Variants in C6 observed in about 807,000 individuals in gnomAD.
C6 encodes the protein complement C6.
C6 carries 101 observed loss-of-function variants against 112.9 expected under a neutral mutation model. The observed-to-expected ratio is 0.89, with a 90% CI of 0.76 to 1.06. The LOEUF (loss-of-function observed/expected upper bound fraction) is 1.06. Among genes scored for constraint, C6 ranks in the 50% least tolerant of loss-of-function variants. The pLI is 0.00. For synonymous variants in C6, 431 were observed against 384.1 expected (o/e 1.12, Z -1.43); for missense variants, 1,202 against 1,104.6 (o/e 1.09, Z -1.25).
At chr5:41,215,941 C>G (rs1426187186), upstream of C6, among the ~76,000 whole-genome samples, 1 of 152,052 alleles carries the variant, frequency 6.6e-6, no homozygotes, top group East Asian at 1.9e-4. Flanking sequence ...ACTATAATTT[C>G]TTATTAGAGC....
upstream of C6, among the ~76,000 whole-genome samples, chr5:41,215,466 G>A (rs1279666154): frequency 7.9e-5 from 12 of 152,136 alleles, no homozygotes; most frequent in African/African-American, 2.9e-4. Flanking sequence ...AAGAATATAG[G>A]TGTTCTCTAA....
At chr5:41,228,781 A>C (rs748865259) in intron 1 of C6, among the ~76,000 whole-genome samples, 1 of 152,148 alleles carries the variant, frequency 6.6e-6, no homozygotes, top group Non-Finnish European at 1.5e-5. Flanking sequence ...CATATGGTAA[A>C]TCATCCTTGC....
intron 1 of C6, among the ~76,000 whole-genome samples, chr5:41,205,204 C>G (rs988522779): frequency 6.6e-6 from 1 of 152,134 alleles, no homozygotes; most frequent in East Asian, 1.9e-4. Flanking sequence ...CATAGATATG[C>G]TGCTAGAGTC....
chr5:41,241,502 C>T (rs1228008740), intron 1 of C6, among the ~76,000 whole-genome samples: 1 of 152,084 alleles, frequency 6.6e-6, no homozygotes, highest in African/African-American at 2.4e-5. Context: ...AGACTAAAGA[C>T]TTTACGGGTC....
chr5:41,216,381 C>A (rs917631849), upstream of C6, among the ~76,000 whole-genome samples: 1 of 152,088 alleles, frequency 6.6e-6, no homozygotes, highest in African/African-American at 2.4e-5. Flanking sequence ...TAGGAAATTC[C>A]TCTTCTGCCT....
At chr5:41,228,593 T>A (rs2150410918) in intron 1 of C6, among the ~76,000 whole-genome samples, 1 of 152,338 alleles carries the variant, frequency 6.6e-6, no homozygotes, top group East Asian at 1.9e-4. Flanking sequence ...TGTGGGTTTG[T>A]CACATATGGT....
chr5:41,150,066 A>G, intron 15 of C6, 41 bp from the exon 16 acceptor site: 1 of 1,238,322 alleles, frequency 8.1e-7, no homozygotes, highest in South Asian at 1.2e-5. Context: ...AGTGCACAGC[A>G]TGGATTCTAA....
chr5:41,248,085 T>C (rs1262894968), intron 1 of C6, among the ~76,000 whole-genome samples: 1 of 152,204 alleles, frequency 6.6e-6, no homozygotes, highest in Non-Finnish European at 1.5e-5. Context: ...GGACTCCCTA[T>C]TCAATAAATG....
intron 1 of C6, among the ~76,000 whole-genome samples, chr5:41,229,300 G>A (rs918785812): frequency 6.8e-6 from 1 of 147,314 alleles, no homozygotes; most frequent in Admixed American, 6.7e-5. Context: ...TTGTTTTAAT[G>A]TAGGTGTTTA....
Position 41,172,216 on chromosome 5 carries a change from T to C in C6, c.1291+9A>G, listed in dbSNP as rs766729577. On this transcript the variant is annotated intron_variant, in intron 9 of 17. Coordinates refer to ENST00000337836, the MANE Select transcript of C6 (RefSeq NM_000065.5). ...CACTGGATAAGCTGCTAAGAGAGAGTACTGTTACCTTCATGTTTCTCTGAC... is the reference window on the plus strand; with the variant it reads ...CACTGGATAAGCTGCTAAGAGAGAGCACTGTTACCTTCATGTTTCTCTGAC... The C allele has an allele frequency of 6.2e-7, 1 of 1,613,328 alleles. No homozygotes were observed. The highest frequency in any genetic ancestry group is 1.3e-5 in the African/African-American group (1 of 74,830).
chr5:41,193,026 T>C (rs1413993924), intron 5 of C6, among the ~76,000 whole-genome samples: 2 of 152,172 alleles, frequency 1.3e-5, no homozygotes, highest in Non-Finnish European at 2.9e-5. Context: ...ATGGATGAAT[T>C]GTATGGCATG....
At chr5:41,198,117 G>A (rs947207893) in intron 4 of C6, among the ~76,000 whole-genome samples, 3 of 152,020 alleles carry the variant, frequency 2.0e-5, no homozygotes, top group Non-Finnish European at 4.4e-5. Context: ...TAACATAATG[G>A]GTAACTCTTA....
At chr5:41,231,796 A>T (rs1282283164) in intron 1 of C6, among the ~76,000 whole-genome samples, 1 of 152,030 alleles carries the variant, frequency 6.6e-6, no homozygotes, top group Non-Finnish European at 1.5e-5. Context: ...GTAATTTTTT[A>T]AAAATGATAG....
At chr5:41,202,552 C>G (rs965301413) in intron 2 of C6, among the ~76,000 whole-genome samples, 10 of 152,134 alleles carry the variant, frequency 6.6e-5, no homozygotes, top group African/African-American at 2.4e-4. Context: ...AACATGTGAG[C>G]ATTTCCATGG....
At chr5:41,197,643 A>G (rs1750711415) in intron 4 of C6, among the ~76,000 whole-genome samples, 1 of 152,164 alleles carries the variant, frequency 6.6e-6, no homozygotes. Context: ...GTGAGAATAC[A>G]AGAAATTCTA....
intron 1 of C6, among the ~76,000 whole-genome samples, chr5:41,247,064 C>T (rs777653804): frequency 7.9e-5 from 12 of 152,110 alleles, no homozygotes; most frequent in Non-Finnish European, 1.6e-4. Flanking sequence ...CCTGTCTTTC[C>T]TTGTGCCTAC....
chr5:41,172,639 G>A (rs543506189), intron 8 of C6: 183 of 482,530 alleles, frequency 3.8e-4, no homozygotes, highest in African/African-American at 3.3e-3. Context: ...TGGGGATGGT[G>A]ATGTCCTGTC....
intron 9 of C6, among the ~76,000 whole-genome samples, chr5:41,164,399 C>G (rs1292515444): frequency 6.6e-6 from 1 of 152,068 alleles, no homozygotes; most frequent in African/African-American, 2.4e-5. Context: ...TGGGCAAGGA[C>G]CTGGAGTCAG....
chr5:41,172,977 G>A (rs1040186497), intron 8 of C6, among the ~76,000 whole-genome samples: 2 of 152,098 alleles, frequency 1.3e-5, no homozygotes, highest in Non-Finnish European at 2.9e-5. Flanking sequence ...TGTAATCTCA[G>A]AAATTCTGAC....
Sources: allele counts gnomAD v4.1 joint callset (sites outside exome capture counted in the v4.1 genomes callset), GRCh38; gene constraint gnomAD v4.1.1; transcripts MANE v1.5; gene names NCBI Gene and HGNC (gene_info 2026-07-23, HGNC 2026-07-21).